The following NPAS3 variants were observed in gnomAD, a reference collection of about 807,000 sequenced individuals.
The protein encoded by NPAS3 is neuronal PAS domain-containing protein 3.
Under a neutral mutation model 73.1 loss-of-function variants are expected in NPAS3, and 14 were observed. The observed-to-expected ratio is 0.19, with a 90% CI of 0.13 to 0.30. NPAS3 has a LOEUF of 0.30. Ranked by LOEUF, NPAS3 falls within the 10% of genes least tolerant of loss-of-function variation. The probability of loss-of-function intolerance (pLI) is 1.00; values close to 1 mark genes in which losing one functional copy is unlikely to be tolerated. For missense variants in NPAS3, 1,096 were observed against 1,250.0 expected (o/e 0.88, Z 1.86); for synonymous variants, 620 against 541.5 (o/e 1.14, Z -2.01).
rs552272260 is a variant in NPAS3 at position 33,062,672 on chromosome 14, G to C, written c.140+6678G>C. 1.7e-4 allele frequency among the ~76,000 whole-genome samples: 26 copies of C among 152,350 alleles called. No individual in the cohort carries two copies. The South Asian group carries it at 3.5e-3, about 21-fold the overall frequency. On this transcript the variant is annotated intron_variant, in intron 2 of 11. Transcript: ENST00000356141. ...ATGTGACCTCTAGAAACTTGAGAAC[G>C]AAAGTAAAGGTCAAGATGAGAGGTG...
chr14:32,986,821 AT>A (rs901229553), intron 1 of NPAS3, among the ~76,000 whole-genome samples: 1 of 151,968 alleles, frequency 6.6e-6, no homozygotes, highest in African/African-American at 2.4e-5. Context: ...ATTTTACTTT[AT>A]TTTTTTTAAG....
chr14:33,291,343 G>A (rs947098621), intron 3 of NPAS3, among the ~76,000 whole-genome samples: 1 of 152,090 alleles, frequency 6.6e-6, no homozygotes, highest in Admixed American at 6.5e-5. Flanking sequence ...ATCTCAGCCT[G>A]GACTTCATGT....
chr14:33,541,978 C>T (rs535672194), intron 4 of NPAS3, among the ~76,000 whole-genome samples: 22 of 152,214 alleles, frequency 1.4e-4, no homozygotes, highest in African/African-American at 4.6e-4. Context: ...GGTTAGCCTC[C>T]GTCTCAAGAC....
At chr14:33,239,672 G>C (rs953517065) in intron 3 of NPAS3, among the ~76,000 whole-genome samples, 1 of 151,778 alleles carries the variant, frequency 6.6e-6, no homozygotes, top group African/African-American at 2.4e-5. Flanking sequence ...TCTGACTGCT[G>C]TCATAACCTA....
chr14:33,776,521 TAAAAAAAAAAAAAAAAAAAAAAAA>T (rs552348267), intron 8 of NPAS3, among the ~76,000 whole-genome samples: 15 of 32,060 alleles, frequency 4.7e-4, no homozygotes, highest in East Asian at 2.2e-3. Context: ...TTCTTCCTCT[TAAAAAAAAAAAAAAAAAAAAAAAA>T]AAAAAAAAAA....
intron 2 of NPAS3, among the ~76,000 whole-genome samples, chr14:33,112,782 G>A (rs1167199107): frequency 1.3e-5 from 2 of 152,148 alleles, no homozygotes; most frequent in African/African-American, 4.8e-5. Flanking sequence ...TTTTCTTCTA[G>A]GGTTTTTATG....
At chr14:33,253,488 T>C (rs2048663817) in intron 3 of NPAS3, among the ~76,000 whole-genome samples, 1 of 152,066 alleles carries the variant, frequency 6.6e-6, no homozygotes, top group Non-Finnish European at 1.5e-5. Context: ...ACAACTGATT[T>C]CCCAATGGTA....
At chr14:33,176,550 T>C (rs897237748) in intron 2 of NPAS3, among the ~76,000 whole-genome samples, 7 of 152,234 alleles carry the variant, frequency 4.6e-5, no homozygotes, top group African/African-American at 1.4e-4. Context: ...GTATCAAAAA[T>C]TCATTCCTTT....
At chr14:33,548,877 A>C (rs531325904) in intron 4 of NPAS3, among the ~76,000 whole-genome samples, 1 of 152,166 alleles carries the variant, frequency 6.6e-6, no homozygotes. Context: ...TGTTGATAGC[A>C]CTCTGGAACA....
chr14:33,309,804 G>GTT (rs998310919), intron 3 of NPAS3, among the ~76,000 whole-genome samples: 3 of 152,142 alleles, frequency 2.0e-5, no homozygotes, highest in Non-Finnish European at 4.4e-5. Context: ...ATTATTTTCT[G>GTT]TAAGTCTGCC....
At chr14:33,671,850 AT>A (rs2059618088) in intron 5 of NPAS3, among the ~76,000 whole-genome samples, 2 of 152,196 alleles carry the variant, frequency 1.3e-5, no homozygotes, top group Non-Finnish European at 2.9e-5. Context: ...CAGAACATGG[AT>A]TTTTGAAGTT....
intron 6 of NPAS3, among the ~76,000 whole-genome samples, chr14:33,678,411 T>G (rs2059830785): frequency 6.6e-6 from 1 of 152,166 alleles, no homozygotes; most frequent in Non-Finnish European, 1.5e-5. Context: ...GATCCTCCTT[T>G]CCTCCTGTCA....
intron 3 of NPAS3, among the ~76,000 whole-genome samples, chr14:33,346,190 A>T (rs2044719520): frequency 6.8e-6 from 1 of 147,394 alleles, no homozygotes. Context: ...GAGCCACTGC[A>T]CTCCAGCCTG....
intron 9 of NPAS3, among the ~76,000 whole-genome samples, chr14:33,787,860 G>T (rs905839800): frequency 6.6e-6 from 1 of 152,028 alleles, no homozygotes; most frequent in African/African-American, 2.4e-5. Context: ...TTTTAGATAA[G>T]GAAACTTGTT....
chr14:33,799,295 AGTCACCTTGCAT>A (rs1457461513), intron 11 of NPAS3, among the ~76,000 whole-genome samples: 1 of 152,220 alleles, frequency 6.6e-6, no homozygotes, highest in Non-Finnish European at 1.5e-5. Flanking sequence ...CTCTTTAGAA[AGTCACCTTGCAT>A]GCCATCATTT....
chr14:33,668,138 A>AAAG (rs1479310144), intron 5 of NPAS3, among the ~76,000 whole-genome samples: 1 of 152,158 alleles, frequency 6.6e-6, no homozygotes, highest in Admixed American at 6.5e-5. Flanking sequence ...GCTTTCTCTT[A>AAAG]AAGATTTCTT....
intron 2 of NPAS3, among the ~76,000 whole-genome samples, chr14:33,136,860 C>T (rs1048728225): frequency 2.0e-5 from 3 of 152,292 alleles, no homozygotes; most frequent in South Asian, 2.1e-4. Context: ...TTTTCCTGAT[C>T]TATGGAAGAA....
intron 7 of NPAS3, among the ~76,000 whole-genome samples, chr14:33,763,638 C>G (rs2062367438): frequency 6.6e-6 from 1 of 152,188 alleles, no homozygotes; most frequent in East Asian, 1.9e-4. Context: ...ACATGTTGTC[C>G]AACTATGCCA....
intron 1 of NPAS3, among the ~76,000 whole-genome samples, chr14:33,030,101 G>A (rs1003541369): frequency 6.6e-6 from 1 of 152,180 alleles, no homozygotes. Flanking sequence ...GTTGAGGAAA[G>A]TAAAAAGTAA....
Sources: allele counts gnomAD v4.1 joint callset (sites outside exome capture counted in the v4.1 genomes callset), GRCh38; gene constraint gnomAD v4.1.1; transcripts MANE v1.5; gene names NCBI Gene and HGNC (gene_info 2026-07-23, HGNC 2026-07-21).